Variants in CNN3 observed in about 807,000 individuals in gnomAD.
The protein encoded by CNN3 is calponin 3.
Under a neutral mutation model 39.0 loss-of-function variants are expected in CNN3, and 11 were observed. The observed-to-expected ratio is 0.28, with a 90% CI of 0.18 to 0.47. The LOEUF (loss-of-function observed/expected upper bound fraction) is 0.47, where lower values mean the gene tolerates loss of function less well. Among genes scored for constraint, CNN3 ranks in the 20% least tolerant of loss-of-function variants. The probability of loss-of-function intolerance (pLI) is 0.99; values close to 1 mark genes in which losing one functional copy is unlikely to be tolerated. For synonymous variants in CNN3, 101 were observed against 138.3 expected (o/e 0.73, Z 1.89); for missense variants, 266 against 403.4 (o/e 0.66, Z 2.92).
chr1:94,925,986 A>C (rs1424273619), intron 1 of CNN3, among the ~76,000 whole-genome samples: 1 of 152,152 alleles, frequency 6.6e-6, no homozygotes, highest in African/African-American at 2.4e-5. Context: ...AAAAGTCCTA[A>C]AGATAAACCT....
intron 1 of CNN3, among the ~76,000 whole-genome samples, chr1:94,921,771 C>T (rs546777862): frequency 6.6e-6 from 1 of 152,302 alleles, no homozygotes; most frequent in African/African-American, 2.4e-5. Flanking sequence ...CGTTAAAACT[C>T]CAGAGTAAAT....
At chr1:94,901,199 C>A (rs1438251386) in intron 5 of CNN3, among the ~76,000 whole-genome samples, 1 of 151,886 alleles carries the variant, frequency 6.6e-6, no homozygotes, top group Non-Finnish European at 1.5e-5. Context: ...ACTAAAACTA[C>A]AAAACTTAGC....
At position 94,910,339 on chromosome 1, in the gene CNN3, A is replaced by G. The variant is rs570183007; in HGVS notation, c.58-6815T>C. Among the ~76,000 whole-genome samples, 4 of 152,356 alleles carry G rather than the reference A, an allele frequency of 2.6e-5. No individual in the cohort carries two copies. In the South Asian group the frequency reaches 8.3e-4, roughly 32 times the overall value. ...CCTAAAAGCTTACATTCTAGCAGAA[A>G]GAGACAAATATTAAATACGGTGTAT... is the stretch of plus-strand genomic sequence containing the variant. On this transcript the variant is annotated intron_variant, in intron 1 of 6. Transcript: ENST00000370206.
intron 1 of CNN3, among the ~76,000 whole-genome samples, chr1:94,911,522 C>T (rs1487571677): frequency 2.6e-5 from 4 of 152,312 alleles, no homozygotes; most frequent in Non-Finnish European, 2.9e-5. Context: ...GTGGCTCACA[C>T]CAGCAATTTG....
At chr1:94,909,917 T>C (rs1485952086) in intron 1 of CNN3, among the ~76,000 whole-genome samples, 1 of 152,192 alleles carries the variant, frequency 6.6e-6, no homozygotes, top group Non-Finnish European at 1.5e-5. Flanking sequence ...GACATTCATG[T>C]ACAAGAACTG....
chr1:94,905,195 G>A (rs1263709466), intron 1 of CNN3, among the ~76,000 whole-genome samples: 2 of 152,154 alleles, frequency 1.3e-5, no homozygotes, highest in Non-Finnish European at 2.9e-5. Context: ...TCACCCAACA[G>A]TGAAAACCAA....
At chr1:94,916,610 C>G (rs374833759) in intron 1 of CNN3, among the ~76,000 whole-genome samples, 5 of 152,234 alleles carry the variant, frequency 3.3e-5, no homozygotes, top group South Asian at 2.1e-4. Flanking sequence ...TCTGGTCTGC[C>G]CTCTCTGGAC....
At chr1:94,914,918 C>G (rs1246499664) in intron 1 of CNN3, among the ~76,000 whole-genome samples, 4 of 151,610 alleles carry the variant, frequency 2.6e-5, no homozygotes, top group Non-Finnish European at 4.4e-5. Context: ...CAGTCTTGCT[C>G]TGTCACCCAG....
In CNN3 at chr1:94,926,629, G is replaced by A. The variant is rs1267064833; in HGVS notation, c.57+209C>T. On this transcript the variant is annotated intron_variant, in intron 1 of 6. Transcript: ENST00000370206. The surrounding 1 kb of genome is among the most constrained non-coding windows in gnomAD (Gnocchi z 4.2). ...CCACTAGTCCTGTCCCACGGCGCGG[G>A]AACAAAGCCAGGCGGGTGCCCGGGA... Among the ~76,000 whole-genome samples the A allele has an allele frequency of 6.6e-6, 1 of 152,170 alleles. No homozygotes were observed. The highest frequency in any genetic ancestry group is 1.5e-5 in the Non-Finnish European group (1 of 68,016).
chr1:94,926,974 A>G lies in CNN3; in HGVS notation c.-80T>C. 1 of 1,466,774 alleles carries G rather than the reference A, an allele frequency of 6.8e-7. No homozygotes were observed. Among genetic ancestry groups the G allele is most frequent in the Non-Finnish European group, 9.4e-7 (1 of 1,068,222 alleles). The allele number at this position is 1,466,774 out of a possible 1,614,324, so 90.9% of individuals were successfully genotyped here. A position where few individuals can be genotyped will look rare whatever the true frequency, so the allele number is the denominator to read the frequency against. On this transcript the variant is annotated 5_prime_UTR_variant, in exon 1 of 7. Transcript: ENST00000370206. The surrounding 1 kb of genome is among the most constrained non-coding windows in gnomAD (Gnocchi z 4.2). Reference sequence around the variant, plus strand: ...CGCTTCCCCGCTCCTGGCCCCGAGGAGTGGCCGCCGCGGGGGATGCTCGAA... The same window carrying G: ...CGCTTCCCCGCTCCTGGCCCCGAGGGGTGGCCGCCGCGGGGGATGCTCGAA...
At chr1:94,898,128 C>A in intron 6 of CNN3, 45 bp from the exon 7 acceptor site, 1 of 1,505,908 alleles carries the variant, frequency 6.6e-7, no homozygotes, top group South Asian at 1.2e-5. Context: ...CAGCTAGAAT[C>A]TATTCTTGTG....
chr1:94,919,709 G>A (rs141676338), intron 1 of CNN3, among the ~76,000 whole-genome samples: 1 of 152,300 alleles, frequency 6.6e-6, no homozygotes, highest in Non-Finnish European at 1.5e-5. Flanking sequence ...TTATCCAGCA[G>A]AGGGGAAATA....
At chr1:94,916,512 T>C (rs933729954) in intron 1 of CNN3, among the ~76,000 whole-genome samples, 2 of 152,208 alleles carry the variant, frequency 1.3e-5, no homozygotes, top group Non-Finnish European at 2.9e-5. Flanking sequence ...TCTGGGCCTC[T>C]CTGTAGCACC....
rs1014267359 is a variant in CNN3, at chr1:94,897,608, G to A, written c.*134C>T. On this transcript the variant is annotated 3_prime_UTR_variant, in exon 7 of 7. Transcript: ENST00000370206. ...GCAGAAAAAGGAAAAAGGAATGTAC[G>A]TAAGGCAATTTTTCTTAAAAGTACA... 131 of 779,190 alleles carry A rather than the reference G, an allele frequency of 1.7e-4. 2 individuals carry two copies. Among genetic ancestry groups the A allele is most frequent in the South Asian group, 5.8e-4 (31 of 53,066 alleles). The allele number at this position is 779,190 out of a possible 1,614,324, so 48.3% of individuals were successfully genotyped here. A position where few individuals can be genotyped will look rare whatever the true frequency, so the allele number is the denominator to read the frequency against.
chr1:94,927,107 G>T lies in CNN3; in HGVS notation c.-213C>A. 2 of 480,584 alleles carry T rather than the reference G, an allele frequency of 4.2e-6. No individual in the cohort carries two copies. Among genetic ancestry groups the T allele is most frequent in the Non-Finnish European group, 7.3e-6 (2 of 275,382 alleles). 29.8% of individuals were successfully genotyped at this position (480,584 alleles called of 1,614,324 possible). ...CCTCGAGCTCCGCTGCGAAGCACCC[G>T]GCTGCCTCGCTCGCCGCCCGCACCT... On this transcript the variant is annotated 5_prime_UTR_variant, in exon 1 of 7. Coordinates refer to ENST00000370206, the MANE Select transcript of CNN3 (RefSeq NM_001839.5).
At chr1:94,904,576 G>A (rs993371639) in intron 1 of CNN3, among the ~76,000 whole-genome samples, 7 of 152,034 alleles carry the variant, frequency 4.6e-5, no homozygotes, top group African/African-American at 1.7e-4. Context: ...GAGAGACCTT[G>A]TCTCTACTAA....
chr1:94,897,914 C>G lies in CNN3; in HGVS notation c.818G>C (p.Cys273Ser). ...AATGACAGGTTCTGTAGGAGCAGCA[C>G]AGTATTTGGGATCATATACTTGCCG... is the stretch of plus-strand genomic sequence containing the variant. ...LGRQVYDPKYCAAPTEPVIHN... is the reference protein window; with the variant it reads ...LGRQVYDPKYSAAPTEPVIHN... Residue 273 changes from cysteine to serine, a missense_variant, in exon 7 of 7, where the codon TGT (cysteine) becomes TCT (serine). By Grantham distance (112) the Cys-to-Ser change is moderately radical. Coordinates refer to ENST00000370206, the MANE Select transcript of CNN3 (RefSeq NM_001839.5). 6.2e-7 allele frequency: 1 copy of G among 1,614,084 alleles called. No individual in the cohort carries two copies. Among genetic ancestry groups the G allele is most frequent in the Non-Finnish European group, 8.5e-7 (1 of 1,179,990 alleles).
intron 6 of CNN3, 147 bp downstream of exon 6, chr1:94,899,222 CTT>C: frequency 2.4e-6 from 2 of 834,150 alleles, no homozygotes; most frequent in Non-Finnish European, 1.7e-6. Context: ...TCGAAAAGGT[CTT>C]TTGATTATTT....
chr1:94,903,352 T>TGTGGAAAGAACTGGAAGA (rs1670916610), intron 2 of CNN3, 51 bp downstream of exon 2: 1 of 1,548,838 alleles, frequency 6.5e-7, no homozygotes, highest in African/African-American at 1.4e-5. Context: ...GAGAGAAGGC[T>TGTGGAAAGAACTGGAAGA]GTGGAAAGAA....
Sources: gnomAD v4.1 joint callset for allele counts (sites outside exome capture counted in the v4.1 genomes callset) on GRCh38, gnomAD v4.1.1 for gene constraint, Gnocchi (gnomAD v3.1) non-coding constraint, MANE v1.5 for transcripts, NCBI Gene and HGNC (gene_info 2026-07-23, HGNC 2026-07-21) for gene names.